Variants in RAB17 observed in about 807,000 individuals in gnomAD.
The protein encoded by RAB17 is ras-related protein Rab-17.
Under a neutral mutation model 19.3 loss-of-function variants are expected in RAB17, and 15 were observed. That is an observed-to-expected ratio of 0.78 (90% CI 0.52 to 1.20). The LOEUF (loss-of-function observed/expected upper bound fraction) is 1.20, where lower values mean the gene tolerates loss of function less well. Among genes scored for constraint, RAB17 ranks in the 50% most tolerant of loss-of-function variants. The pLI is 0.00. For synonymous variants in RAB17, 110 were observed against 112.8 expected (o/e 0.97, Z 0.16); for missense variants, 262 against 269.3 (o/e 0.97, Z 0.19).
At chr2:237,575,307 G>C in intron 5 of RAB17, 80 bp downstream of exon 5, 2 of 1,220,468 alleles carry the variant, frequency 1.6e-6, no homozygotes, top group Non-Finnish European at 1.2e-6. Flanking sequence ...GGGATACCAC[G>C]TCACCAGCAA....
rs1367669476 is a variant in RAB17 at position 237,576,816 on chromosome 2, G to T, written c.435+441C>A. On this transcript the variant is annotated intron_variant, in intron 4 of 5. Coordinates refer to ENST00000264601, the MANE Select transcript of RAB17 (RefSeq NM_022449.4). ...TGAAGGAGGCTACATTTGCACAGAA[G>T]CCCCTTCTGGGAACAGAGTAGGGAA... is the stretch of plus-strand genomic sequence containing the variant. The T allele has an allele frequency of 6.7e-6, 3 of 445,996 alleles. No homozygotes were observed. The East Asian group carries it at 2.1e-4, about 31-fold the overall frequency. The allele number at this position is 445,996 out of a possible 1,614,324, so 27.6% of individuals were successfully genotyped here.
chr2:237,582,444 A>C (rs543408486), intron 2 of RAB17, among the ~76,000 whole-genome samples: 2 of 152,130 alleles, frequency 1.3e-5, no homozygotes, highest in Non-Finnish European at 2.9e-5. Context: ...AGGTGTTTAC[A>C]CTCCCGTTTC....
intron 4 of RAB17, 104 bp from the exon 5 acceptor site, chr2:237,575,584 GC>G (rs1440021627): frequency 7.4e-6 from 6 of 811,690 alleles, no homozygotes; most frequent in African/African-American, 5.1e-5. Flanking sequence ...CAGCCGTGGA[GC>G]CCGCACTCCT....
intron 5 of RAB17, 64 bp from the exon 6 acceptor site, chr2:237,575,192 C>T (rs2081251902): frequency 7.2e-7 from 1 of 1,381,904 alleles, no homozygotes. Context: ...CACAGCCCTG[C>T]AGACCAGCCA....
chr2:237,586,231 G>C lies in RAB17; in HGVS notation c.-3-74C>G. ...TCATCTCAGCAAGCTCAACCCCGGG[G>C]CTGCTTCTCGGTCAGGAGCAGATGG... On this transcript the variant is annotated intron_variant, in intron 1 of 5. Transcript: ENST00000264601. The C allele has an allele frequency of 2.7e-6, 4 of 1,483,692 alleles. No homozygotes were observed. In the South Asian group the frequency reaches 5.4e-5, roughly 20 times the overall value. 91.9% of individuals were successfully genotyped at this position (1,483,692 alleles called of 1,614,324 possible). A position where few individuals can be genotyped will look rare whatever the true frequency, so the allele number is the denominator to read the frequency against.
At chr2:237,582,478 G>A (rs995123599) in intron 2 of RAB17, among the ~76,000 whole-genome samples, 1 of 152,222 alleles carries the variant, frequency 6.6e-6, no homozygotes, top group Admixed American at 6.5e-5. Flanking sequence ...CCAGACGGAG[G>A]GAAGGAGTGG....
rs150371614 is a variant in RAB17, at chr2:237,588,068, AT to A, written c.-3-1912del. On this transcript the variant is annotated intron_variant, in intron 1 of 5. Transcript: ENST00000264601. Reference sequence around the variant, plus strand: ...GAAATATCCACCTGGATTGAGGATGATTTCTTGGGGCCAGCTATGGTTTGCA... The same window carrying A: ...GAAATATCCACCTGGATTGAGGATGATTCTTGGGGCCAGCTATGGTTTGCA... Among the ~76,000 whole-genome samples, 1,477 of 152,246 alleles carry A rather than the reference AT, an allele frequency of 9.7e-3. 29 individuals carry two copies. Among genetic ancestry groups the A allele is most frequent in the African/African-American group, 0.033 (1,376 of 41,536 alleles).
chr2:237,587,486 G>A (rs1356756782), intron 1 of RAB17, among the ~76,000 whole-genome samples: 3 of 152,174 alleles, frequency 2.0e-5, no homozygotes, highest in African/African-American at 4.8e-5. Context: ...CCTCACTGCC[G>A]CCAGTAAGGA....
intron 2 of RAB17, among the ~76,000 whole-genome samples, chr2:237,583,404 G>A (rs1300778225): frequency 1.3e-5 from 2 of 152,198 alleles, no homozygotes; most frequent in South Asian, 2.1e-4. Context: ...TCTAAAAGCT[G>A]TAATATTATC....
chr2:237,585,074 G>GCTAA (rs2081339262), intron 2 of RAB17, among the ~76,000 whole-genome samples: 1 of 152,240 alleles, frequency 6.6e-6, no homozygotes, highest in Admixed American at 6.5e-5. Context: ...TCCCTAAATA[G>GCTAA]CTAACGTCAT....
chr2:237,583,210 C>T (rs775855244), intron 2 of RAB17, among the ~76,000 whole-genome samples: 23 of 152,322 alleles, frequency 1.5e-4, no homozygotes, highest in Non-Finnish European at 3.1e-4. Context: ...TGGTGGTGCG[C>T]ACCTGTGATA....
chr2:237,582,104 C>T (rs918782762), intron 2 of RAB17, among the ~76,000 whole-genome samples: 5 of 152,168 alleles, frequency 3.3e-5, no homozygotes, highest in African/African-American at 1.2e-4. Flanking sequence ...CTCGGACTCC[C>T]GTCCGTTCTG....
chr2:237,587,852 GAA>G (rs5839673), intron 1 of RAB17, among the ~76,000 whole-genome samples: 27,969 of 131,806 alleles, frequency 0.21, 4,642 homozygotes, highest in African/African-American at 0.47. Flanking sequence ...AAAAAGAAAA[GAA>G]AAAGAAAGAA....
rs528606216 is a variant in RAB17, at chr2:237,574,677, G to C, written c.*342C>G. On this transcript the variant is annotated 3_prime_UTR_variant, in exon 6 of 6. Coordinates refer to ENST00000264601, the MANE Select transcript of RAB17 (RefSeq NM_022449.4). ...ATCAGACGTAAGGCATCTTCCCACC[G>C]TCGCTGTGCTGCGGGGACTTTTCCA... 55 of 1,450,158 alleles carry C rather than the reference G, an allele frequency of 3.8e-5. No homozygotes were observed. In the East Asian group the frequency reaches 1.3e-3, roughly 36 times the overall value. 89.8% of individuals were successfully genotyped at this position (1,450,158 alleles called of 1,614,324 possible). A position where few individuals can be genotyped will look rare whatever the true frequency, so the allele number is the denominator to read the frequency against.
In RAB17 at chr2:237,578,129, C is replaced by T; in HGVS notation, c.184G>A (p.Val62Met). ...GCAFFTKVVDVGATSLKLEIW... is the reference protein window; with the variant it reads ...GCAFFTKVVDMGATSLKLEIW... Reference sequence around the variant, plus strand: ...TCAAGCTTCAGAGAGGTGGCACCCACATCCACCACCTTTGTGAAGAACGCA... The same window carrying T: ...TCAAGCTTCAGAGAGGTGGCACCCATATCCACCACCTTTGTGAAGAACGCA... The change falls in exon 3 of 6, where the codon GTG becomes ATG. Residue 62 changes from valine to methionine, a missense_variant. Val to Met is a conservative substitution (Grantham distance 21, BLOSUM62 1). Transcript: ENST00000264601. 6.2e-7 allele frequency: 1 copy of T among 1,613,260 alleles called. No homozygotes were observed. The highest frequency in any genetic ancestry group is 8.5e-7 in the Non-Finnish European group (1 of 1,179,282).
rs1253198426 is a variant in RAB17, at chr2:237,586,144, G to A, written c.11C>T (p.Ala4Val). The A allele has an allele frequency of 4.4e-6, 7 of 1,598,270 alleles. No homozygotes were observed. Among genetic ancestry groups the A allele is most frequent in the Non-Finnish European group, 6.0e-6 (7 of 1,174,074 alleles). ...AGCCCTGGGCTGGGGGGTCCTGTGT[G>A]CCTGTGCCATGCCCTGCAAAGAATC... MAQ[A>V]HRTPQPRAAP... Residue 4 changes from alanine to valine, a missense_variant, in exon 2 of 6, where the codon GCA (alanine) becomes GTA (valine). Ala to Val is a moderately conservative substitution (Grantham distance 64, BLOSUM62 0). Coordinates refer to ENST00000264601, the MANE Select transcript of RAB17 (RefSeq NM_022449.4).
chr2:237,574,607 C>G lies in RAB17; in HGVS notation c.*412G>C. 1 of 1,534,060 alleles carries G rather than the reference C, an allele frequency of 6.5e-7. No individual in the cohort carries two copies. The highest frequency in any genetic ancestry group is 8.8e-7 in the Non-Finnish European group (1 of 1,137,586). Reference sequence around the variant, plus strand: ...TCCATCTGGCCTGCTCCCCAACCCCCCAGAAGCAGGTGGGCCCAGGCTCCA... The same window carrying G: ...TCCATCTGGCCTGCTCCCCAACCCCGCAGAAGCAGGTGGGCCCAGGCTCCA... On this transcript the variant is annotated 3_prime_UTR_variant, in exon 6 of 6. Transcript: ENST00000264601.
chr2:237,583,172 T>C (rs1001868594), intron 2 of RAB17, among the ~76,000 whole-genome samples: 8 of 152,078 alleles, frequency 5.3e-5, no homozygotes, highest in Non-Finnish European at 1.0e-4. Flanking sequence ...ACCCTATCTC[T>C]ACAAAAAATA....
rs1318041811 is a variant in RAB17, at chr2:237,586,264, C to T, written c.-3-107G>A. 7 of 1,223,726 alleles carry T rather than the reference C, an allele frequency of 5.7e-6. 1 individual carries two copies. In the Admixed American group the frequency reaches 1.1e-4, roughly 19 times the overall value. 75.8% of individuals were successfully genotyped at this position (1,223,726 alleles called of 1,614,324 possible). On this transcript the variant is annotated intron_variant, in intron 1 of 5. Transcript: ENST00000264601. The stretch of plus-strand genomic sequence containing the variant: ...TCGGTCAGGAGCAGATGGCCCAATA[C>T]AGAGCTCCCAACTCAGAGGCCACCT...
Sources: gnomAD v4.1 joint callset for allele counts (sites outside exome capture counted in the v4.1 genomes callset) on GRCh38, gnomAD v4.1.1 for gene constraint, MANE v1.5 for transcripts, NCBI Gene and HGNC (gene_info 2026-07-23, HGNC 2026-07-21) for gene names.